Variants in TRIM26 observed in about 807,000 individuals in gnomAD.
TRIM26 encodes tripartite motif-containing protein 26.
TRIM26 carries 16 observed loss-of-function variants against 45.5 expected under a neutral mutation model. The ratio of observed to expected loss-of-function variants is 0.35; its 90% CI spans 0.24 to 0.53. The LOEUF is 0.53. TRIM26 is among the 20% of genes least tolerant of loss of function. The pLI is 0.92. For missense variants in TRIM26, 442 were observed against 691.1 expected (o/e 0.64, Z 4.04); for synonymous variants, 273 against 290.4 (o/e 0.94, Z 0.61).
At position 30,198,945 on chromosome 6, in the gene TRIM26, G is replaced by A. The variant is rs1397991190; in HGVS notation, c.159C>T (p.Cys53=). The change falls in exon 4 of 10, where the codon TGC becomes TGT. Residue 53 remains cysteine, a synonymous_variant. Transcript: ENST00000454678. The surrounding 1 kb of genome is among the most constrained non-coding windows in gnomAD (Gnocchi z 6.3). The stretch of plus-strand genomic sequence containing the variant: ...TCTTAAAAGGCTTCTTGCAGAGTGG[G>A]CAGACGGGGCGGCTCCCTGAGATGG... ...VRPISGSRPV[C]PLCKKPFKKE... The A allele has an allele frequency of 1.2e-6, 2 of 1,612,752 alleles. No individual in the cohort carries two copies. The highest frequency in any genetic ancestry group is 1.1e-5 in the South Asian group (1 of 91,072).
In TRIM26 at chr6:30,197,121, G is replaced by C. The variant is rs116910299; in HGVS notation, c.535-375C>G. On this transcript the variant is annotated intron_variant, in intron 5 of 9. Coordinates refer to ENST00000454678, the MANE Select transcript of TRIM26 (RefSeq NM_003449.5). ...TCTGTCACCTCTTCCAGGAAGTTTT[G>C]CTTGATTAATGTCATCTAAGCCTGA... is the stretch of plus-strand genomic sequence containing the variant. 5.2e-4 allele frequency among the ~76,000 whole-genome samples: 79 copies of C among 152,236 alleles called. 1 individual carries two copies. The East Asian group carries it at 0.014, about 28-fold the overall frequency.
chr6:30,200,222 C>A (rs1020503255), intron 3 of TRIM26, among the ~76,000 whole-genome samples: 2 of 152,138 alleles, frequency 1.3e-5, no homozygotes, highest in African/African-American at 4.8e-5. Flanking sequence ...GTGGAGGCTA[C>A]AGTGAGCCAT....
At chr6:30,212,740 A>T (rs1227389231) in intron 1 of TRIM26, among the ~76,000 whole-genome samples, 1 of 152,142 alleles carries the variant, frequency 6.6e-6, no homozygotes, top group Non-Finnish European at 1.5e-5. Context: ...GTGGGTCAAA[A>T]TTTGAAATCT....
In TRIM26 at chr6:30,209,168, A is replaced by T. The variant is rs977597133; in HGVS notation, c.-376+4137T>A. On this transcript the variant is annotated intron_variant, in intron 1 of 9. Transcript: ENST00000454678. This position sits in a 1 kb window ranked among gnomAD's most constrained non-coding sequence, Gnocchi z 4.8. Reference sequence around the variant, plus strand: ...TTAGTGAGATGGAGACATCCTAACCATTAATCCAGGGAAAGGGAGGAATCT... The same window carrying T: ...TTAGTGAGATGGAGACATCCTAACCTTTAATCCAGGGAAAGGGAGGAATCT... 4.6e-5 allele frequency among the ~76,000 whole-genome samples: 7 copies of T among 152,324 alleles called. No homozygotes were observed. Among genetic ancestry groups the T allele is most frequent in the Middle Eastern group, 6.8e-3 (2 of 294 alleles).
intron 3 of TRIM26, among the ~76,000 whole-genome samples, chr6:30,200,306 A>G (rs987078185): frequency 2.4e-4 from 37 of 152,182 alleles, no homozygotes; most frequent in African/African-American, 8.7e-4. Flanking sequence ...ACCAGAAAAC[A>G]TTAAAAAACA....
At chr6:30,187,406 C>T (rs182110935) in intron 9 of TRIM26, 385 of 448,720 alleles carry the variant, frequency 8.6e-4, no homozygotes, top group Admixed American at 4.1e-3. Flanking sequence ...CCCTTGTAAC[C>T]TGTCCATTTG....
At chr6:30,210,772 TCTCA>T in intron 1 of TRIM26, among the ~76,000 whole-genome samples, 1 of 152,322 alleles carries the variant, frequency 6.6e-6, no homozygotes, top group Non-Finnish European at 1.5e-5. Flanking sequence ...TCTCTCTCTC[TCTCA>T]AACTATCTTG....
chr6:30,201,480 G>A (rs1450016273), intron 2 of TRIM26, among the ~76,000 whole-genome samples: 3 of 152,188 alleles, frequency 2.0e-5, no homozygotes, highest in Admixed American at 6.5e-5. Context: ...AAGCTCAAAT[G>A]AAGGATTCAA....
In TRIM26 at chr6:30,185,180, C is replaced by T. The variant is rs1350483353; in HGVS notation, c.*696G>A. ...GTGATCACAGCTTGTACCCCAAAGC[C>T]GTGTATGTCTGGATCCTTCCCTAAG... On this transcript the variant is annotated 3_prime_UTR_variant, in exon 10 of 10. Transcript: ENST00000454678. This position sits in a 1 kb window ranked among gnomAD's most constrained non-coding sequence, Gnocchi z 5.7. The T allele has an allele frequency of 1.3e-5, 2 of 152,160 alleles. No individual in the cohort carries two copies. The highest frequency in any genetic ancestry group is 2.9e-5 in the Non-Finnish European group (2 of 68,048). 9.4% of individuals were successfully genotyped at this position (152,160 alleles called of 1,614,324 possible).
intron 3 of TRIM26, among the ~76,000 whole-genome samples, chr6:30,199,737 C>T (rs1776930666): frequency 6.6e-6 from 1 of 151,502 alleles, no homozygotes; most frequent in Admixed American, 6.6e-5. Context: ...CCCAGGTTCA[C>T]ACCATTCTCC....
At chr6:30,210,140 G>C (rs3130382) in intron 1 of TRIM26, among the ~76,000 whole-genome samples, 62,535 of 151,022 alleles carry the variant, frequency 0.41, 13,167 homozygotes, top group Non-Finnish European at 0.44. Context: ...AGGAGGCGGA[G>C]GTTGCAGTGA....
intron 2 of TRIM26, 125 bp downstream of exon 2, chr6:30,204,531 T>C (rs1320103220): frequency 1.3e-5 from 2 of 152,124 alleles, no homozygotes; most frequent in South Asian, 2.1e-4. Context: ...ATTTCAGAAT[T>C]AGGAGAAATG....
intron 1 of TRIM26, among the ~76,000 whole-genome samples, chr6:30,208,886 G>A (rs916307331): frequency 1.3e-5 from 2 of 150,112 alleles, no homozygotes; most frequent in Non-Finnish European, 3.0e-5. Flanking sequence ...TGCCACTCTG[G>A]AGGATGGGAT....
At chr6:30,197,048 C>T (rs1776559401) in intron 5 of TRIM26, among the ~76,000 whole-genome samples, 1 of 152,218 alleles carries the variant, frequency 6.6e-6, no homozygotes, top group Non-Finnish European at 1.5e-5. Flanking sequence ...TAGAGAAACT[C>T]TGTGGGTCTC....
chr6:30,193,904 G>C (rs1776199355), intron 6 of TRIM26, among the ~76,000 whole-genome samples: 1 of 152,098 alleles, frequency 6.6e-6, no homozygotes, highest in African/African-American at 2.4e-5. Flanking sequence ...AAATGCAGTA[G>C]ACTTTTTATG....
In TRIM26 at chr6:30,189,989, G is replaced by A. The variant is rs761567427; in HGVS notation, c.788+24C>T. ...AACATAAACAAGGGGGATGAGGTACGCCATGGAGAGGAGACTCTTTTACCT... is the reference window on the plus strand; with the variant it reads ...AACATAAACAAGGGGGATGAGGTACACCATGGAGAGGAGACTCTTTTACCT... On this transcript the variant is annotated intron_variant, in intron 7 of 9. Coordinates refer to ENST00000454678, the MANE Select transcript of TRIM26 (RefSeq NM_003449.5). The surrounding 1 kb of genome is among the most constrained non-coding windows in gnomAD (Gnocchi z 5.0). 5 of 1,612,804 alleles carry A rather than the reference G, an allele frequency of 3.1e-6. No homozygotes were observed. Among genetic ancestry groups the A allele is most frequent in the South Asian group, 1.1e-5 (1 of 91,080 alleles).
At chr6:30,206,382 T>C (rs1777726694) in intron 1 of TRIM26, among the ~76,000 whole-genome samples, 1 of 152,200 alleles carries the variant, frequency 6.6e-6, no homozygotes, top group South Asian at 2.1e-4. Flanking sequence ...TGAAGCACAG[T>C]GCAGGCCACA....
rs966671995 is a variant in TRIM26, at chr6:30,207,638, G to C, written c.-375-2873C>G. Among the ~76,000 whole-genome samples, 7 of 152,174 alleles carry C rather than the reference G, an allele frequency of 4.6e-5. No homozygotes were observed. The highest frequency in any genetic ancestry group is 3.4e-3 in the Middle Eastern group (1 of 294). On this transcript the variant is annotated intron_variant, in intron 1 of 9. Coordinates refer to ENST00000454678, the MANE Select transcript of TRIM26 (RefSeq NM_003449.5). This position sits in a 1 kb window ranked among gnomAD's most constrained non-coding sequence, Gnocchi z 4.9. ...TCCTGTCCTTCCTTTCTTCTGTGAG[G>C]AGGCTGTCCCAGGAGATCCTAGCTG...
At chr6:30,199,387 G>A (rs1433853480) in intron 3 of TRIM26, 123 bp from the exon 4 acceptor site, 3 of 399,560 alleles carry the variant, frequency 7.5e-6, no homozygotes, top group Non-Finnish European at 1.3e-5. Flanking sequence ...GAGCAGGACA[G>A]CCACTAGCCT....
Sources: allele counts gnomAD v4.1 joint callset (sites outside exome capture counted in the v4.1 genomes callset), GRCh38; gene constraint gnomAD v4.1.1; non-coding constraint Gnocchi (gnomAD v3.1); transcripts MANE v1.5; gene names NCBI Gene and HGNC (gene_info 2026-07-23, HGNC 2026-07-21).